The following KIRREL1 variants were observed in gnomAD, a reference collection of about 807,000 sequenced individuals.
KIRREL1 encodes the protein kin of IRRE-like protein 1.
A neutral mutation model predicts 83.3 loss-of-function variants in KIRREL1; 25 were observed. That is an observed-to-expected ratio of 0.30 (90% CI 0.22 to 0.42). KIRREL1 has a LOEUF of 0.42. Among genes scored for constraint, KIRREL1 ranks in the 10% least tolerant of loss-of-function variants. The pLI, the probability that KIRREL1 is intolerant of heterozygous loss-of-function variation, is 1.00. For missense variants in KIRREL1, 812 were observed against 1,032.3 expected (o/e 0.79, Z 2.92); for synonymous variants, 388 against 410.4 (o/e 0.95, Z 0.66).
chr1:158,036,091 C>G (rs1239312421), intron 1 of KIRREL1, among the ~76,000 whole-genome samples: 1 of 152,130 alleles, frequency 6.6e-6, no homozygotes. Flanking sequence ...CTGGGGATTA[C>G]TAAAAGTGTT....
At chr1:158,080,029 G>A (rs753333144) in intron 3 of KIRREL1, among the ~76,000 whole-genome samples, 1 of 152,150 alleles carries the variant, frequency 6.6e-6, no homozygotes, top group Non-Finnish European at 1.5e-5. Context: ...CAAGGAGCAG[G>A]AATGAGGTTA....
At chr1:158,085,532 T>TGTAC (rs1661988825) in intron 4 of KIRREL1, among the ~76,000 whole-genome samples, 3 of 152,238 alleles carry the variant, frequency 2.0e-5, no homozygotes, top group Non-Finnish European at 4.4e-5. Flanking sequence ...TGTTTTTAGA[T>TGTAC]ATTTTGGCAA....
At chr1:158,068,908 G>T (rs1661430582) in intron 1 of KIRREL1, among the ~76,000 whole-genome samples, 1 of 142,958 alleles carries the variant, frequency 7.0e-6, no homozygotes, top group Non-Finnish European at 1.6e-5. Context: ...AAAGCTGTCG[G>T]TGCGAATCAG....
intron 1 of KIRREL1, among the ~76,000 whole-genome samples, chr1:158,028,877 T>C (rs1187182006): frequency 2.0e-5 from 3 of 152,198 alleles, no homozygotes. Context: ...CTTGACCTTC[T>C]CCAGGTATTA....
At chr1:158,053,270 G>C (rs574646826) in intron 1 of KIRREL1, among the ~76,000 whole-genome samples, 1 of 152,316 alleles carries the variant, frequency 6.6e-6, no homozygotes, top group South Asian at 2.1e-4. Flanking sequence ...ACACACAGTA[G>C]GGTGCAGGTG....
chr1:158,077,974 T>G lies in KIRREL1; in HGVS notation c.203-17T>G. Reference sequence around the variant, plus strand: ...TCCTTGTTTCAAGGTTGGGCCTCATTCTTTCTGTTTCTGCAGCCTGGCCAC... The same window carrying G: ...TCCTTGTTTCAAGGTTGGGCCTCATGCTTTCTGTTTCTGCAGCCTGGCCAC... On this transcript the variant is annotated splice_polypyrimidine_tract_variant and intron_variant, in intron 2 of 14. Coordinates refer to ENST00000359209, the MANE Select transcript of KIRREL1 (RefSeq NM_018240.7). 1 of 1,613,458 alleles carries G rather than the reference T, an allele frequency of 6.2e-7. No homozygotes were observed. The highest frequency in any genetic ancestry group is 1.1e-5 in the South Asian group (1 of 91,070).
chr1:158,040,639 T>G (rs538427529), intron 1 of KIRREL1, among the ~76,000 whole-genome samples: 34 of 152,360 alleles, frequency 2.2e-4, no homozygotes, highest in Non-Finnish European at 4.6e-4. Flanking sequence ...TTTTTGAGCT[T>G]GATTTTATAA....
intron 1 of KIRREL1, among the ~76,000 whole-genome samples, chr1:158,009,143 G>T (rs891238591): frequency 1.3e-5 from 2 of 152,196 alleles, no homozygotes; most frequent in Non-Finnish European, 2.9e-5. Flanking sequence ...TCTCGTGTCT[G>T]TCCCTCGTTC....
chr1:158,042,578 G>A (rs1197072019), intron 1 of KIRREL1, among the ~76,000 whole-genome samples: 1 of 152,150 alleles, frequency 6.6e-6, no homozygotes, highest in Non-Finnish European at 1.5e-5. Flanking sequence ...TGTAACACTA[G>A]CTAGTGTTTA....
At chr1:158,053,642 C>T (rs1660965318) in intron 1 of KIRREL1, among the ~76,000 whole-genome samples, 1 of 152,164 alleles carries the variant, frequency 6.6e-6, no homozygotes, top group South Asian at 2.1e-4. Context: ...CCTCTTTTCC[C>T]ATTGTTGGAA....
intron 1 of KIRREL1, among the ~76,000 whole-genome samples, chr1:158,043,109 A>G (rs1356676179): frequency 6.9e-6 from 1 of 144,750 alleles, no homozygotes; most frequent in Non-Finnish European, 1.5e-5. Flanking sequence ...AAAAAAGATT[A>G]GCTTTGCCCT....
intron 1 of KIRREL1, 127 bp from the exon 2 acceptor site, chr1:158,075,986 G>T (rs550258441): frequency 2.5e-6 from 2 of 796,988 alleles, no homozygotes; most frequent in East Asian, 2.7e-5. Context: ...CTGAAGGGGG[G>T]CAGGGACCGG....
intron 1 of KIRREL1, among the ~76,000 whole-genome samples, chr1:158,030,458 C>T (rs1660291689): frequency 6.6e-6 from 1 of 152,152 alleles, no homozygotes; most frequent in Admixed American, 6.5e-5. Flanking sequence ...GGAGTGTGCT[C>T]AGTGACCTGC....
At chr1:158,046,113 G>A (rs969713070) in intron 1 of KIRREL1, among the ~76,000 whole-genome samples, 1 of 152,184 alleles carries the variant, frequency 6.6e-6, no homozygotes, top group Admixed American at 6.5e-5. Context: ...GTGAAGGAAG[G>A]GCAGGAGCAG....
At chr1:158,057,195 A>G (rs1256220773) in intron 1 of KIRREL1, among the ~76,000 whole-genome samples, 1 of 152,060 alleles carries the variant, frequency 6.6e-6, no homozygotes, top group Non-Finnish European at 1.5e-5. Flanking sequence ...AAGAGAGCTG[A>G]GGGTTGACAC....
intron 3 of KIRREL1, among the ~76,000 whole-genome samples, chr1:158,082,759 G>C (rs902776031): frequency 5.3e-5 from 8 of 152,278 alleles, no homozygotes; most frequent in Non-Finnish European, 8.8e-5. Context: ...CTTGAGCCCA[G>C]GAGTTTCAGA....
chr1:158,022,559 A>G (rs1459419746), intron 1 of KIRREL1, among the ~76,000 whole-genome samples: 1 of 152,142 alleles, frequency 6.6e-6, no homozygotes, highest in African/African-American at 2.4e-5. Flanking sequence ...TTGAATTTAC[A>G]TCTAGTGCCA....
At chr1:158,056,898 A>G (rs1661080114) in intron 1 of KIRREL1, among the ~76,000 whole-genome samples, 1 of 152,016 alleles carries the variant, frequency 6.6e-6, no homozygotes, top group South Asian at 2.1e-4. Context: ...CTCCTTCTAA[A>G]ACAGGGAAGG....
rs1343092727 is a variant in KIRREL1, at chr1:158,097,344, TG to T, written c.*2225del. The T allele has an allele frequency of 1.6e-5, 5 of 304,928 alleles. No homozygotes were observed. The highest frequency in any genetic ancestry group is 4.9e-5 in the Admixed American group (1 of 20,536). 18.9% of individuals were successfully genotyped at this position (304,928 alleles called of 1,614,324 possible). On this transcript the variant is annotated 3_prime_UTR_variant, in exon 15 of 15. Transcript: ENST00000359209. ...GCATATTCCAAAAAGAATTCATTTT[TG>T]TTTTGGGTTTGGCTAGATTCTCTTA...
Sources: allele counts gnomAD v4.1 joint callset (sites outside exome capture counted in the v4.1 genomes callset), GRCh38; gene constraint gnomAD v4.1.1; transcripts MANE v1.5; gene names NCBI Gene and HGNC (gene_info 2026-07-23, HGNC 2026-07-21).